ASXL2: variants seen among roughly 807,000 people sequenced by gnomAD.
ASXL2 encodes the protein ASXL transcriptional regulator 2.
A neutral mutation model predicts 122.0 loss-of-function variants in ASXL2; 23 were observed. The ratio of observed to expected loss-of-function variants is 0.19; its 90% CI spans 0.14 to 0.27. ASXL2 has a LOEUF of 0.27. Ranked by LOEUF, ASXL2 falls within the 10% of genes least tolerant of loss-of-function variation. The pLI is 1.00. For synonymous variants in ASXL2, 650 were observed against 637.0 expected, an observed-to-expected ratio of 1.02 and a Z score of -0.31; for missense variants, 1,518 against 1,713.8, an observed-to-expected ratio of 0.89 and a Z score of 2.02.
chr2:25,742,869 A>T lies in ASXL2; in HGVS notation c.3468T>A (p.Thr1156=). The T allele has an allele frequency of 6.2e-7, 1 of 1,613,982 alleles. No homozygotes were observed. Among genetic ancestry groups the T allele is most frequent in the Non-Finnish European group, 8.5e-7 (1 of 1,179,888 alleles). The change falls in exon 13 of 13, where the codon ACT becomes ACA. Residue 1156 remains threonine (T), a synonymous_variant. Coordinates refer to ENST00000435504, the MANE Select transcript of ASXL2 (RefSeq NM_018263.6). ...PEDRFCLSSP[T]EALKMGYTDC... ...CTGTATATCCCATTTTCAAGGCTTCAGTGGGGCTGCTTAGACAAAAACGAT... is the reference window on the plus strand; with the variant it reads ...CTGTATATCCCATTTTCAAGGCTTCTGTGGGGCTGCTTAGACAAAAACGAT...
Position 25,741,474 on chromosome 2 carries a change from T to A in ASXL2, c.*555A>T. On this transcript the variant is annotated 3_prime_UTR_variant, in exon 13 of 13. Transcript: ENST00000435504. ...ACCAAAAATTTCAATTTAAGAAGAT[T>A]CCACCTAAGGTAAAGGGACTGAGTA... 4.3e-6 allele frequency: 1 copy of A among 230,364 alleles called. No homozygotes were observed. Among genetic ancestry groups the A allele is most frequent in the South Asian group, 1.8e-4 (1 of 5,518 alleles). The allele number at this position is 230,364 out of a possible 1,614,324, so 14.3% of individuals were successfully genotyped here. A position where few individuals can be genotyped will look rare whatever the true frequency, so the allele number is the denominator to read the frequency against.
intron 11 of ASXL2, among the ~76,000 whole-genome samples, chr2:25,751,569 G>A (rs994823292): frequency 3.3e-5 from 5 of 151,848 alleles, no homozygotes; most frequent in African/African-American, 1.2e-4. Context: ...GGGAGATTAA[G>A]GCTACAGTGA....
At chr2:25,781,167 G>A (rs1462978339) in intron 5 of ASXL2, among the ~76,000 whole-genome samples, 2 of 151,970 alleles carry the variant, frequency 1.3e-5, no homozygotes, top group Non-Finnish European at 2.9e-5. Flanking sequence ...AATTTGTCCT[G>A]GAGTGTGAGA....
At chr2:25,781,289 T>C (rs1248146006) in intron 5 of ASXL2, among the ~76,000 whole-genome samples, 1 of 151,978 alleles carries the variant, frequency 6.6e-6, no homozygotes, top group East Asian at 1.9e-4. Flanking sequence ...ATCCCAACAC[T>C]TTGGGAGGTC....
At chr2:25,785,557 A>AT (rs1359138559) in intron 5 of ASXL2, among the ~76,000 whole-genome samples, 1 of 148,750 alleles carries the variant, frequency 6.7e-6, no homozygotes, top group South Asian at 2.1e-4. Context: ...AACAATCTTT[A>AT]TTTTTTCTGA....
At chr2:25,752,767 C>T (rs1321666686) in intron 11 of ASXL2, among the ~76,000 whole-genome samples, 1 of 151,448 alleles carries the variant, frequency 6.6e-6, no homozygotes, top group Admixed American at 6.6e-5. Context: ...TTGCTTGAAA[C>T]CAGAAGGCAC....
In ASXL2 at chr2:25,743,696, C is replaced by A. The variant is rs201937732; in HGVS notation, c.2641G>T (p.Ala881Ser). The A allele has an allele frequency of 2.0e-5, 33 of 1,613,862 alleles. No homozygotes were observed. The highest frequency in any genetic ancestry group is 2.8e-5 in the Non-Finnish European group (33 of 1,179,904). Residue 881 changes from alanine (A) to serine (S), a missense_variant, in exon 13 of 13, where the codon GCT (alanine) becomes TCT (serine). This residue lies in a region of ASXL2 where 831 missense variants were observed against 833.1 expected (regional missense o/e 1.00). Coordinates refer to ENST00000435504, the MANE Select transcript of ASXL2 (RefSeq NM_018263.6). ...GATGTTAAAGGGGAGGGAGTTACAG[C>A]CACTGGCACACTAGCATCTGTCTTT... Reference protein sequence around the residue: ...SSKTDASVPVAVTPSPLTSLL... With the variant: ...SSKTDASVPVSVTPSPLTSLL...
chr2:25,794,891 T>C (rs1196553223), intron 5 of ASXL2, among the ~76,000 whole-genome samples: 2 of 152,238 alleles, frequency 1.3e-5, no homozygotes, highest in Admixed American at 6.5e-5. Context: ...ACTGCTTTGC[T>C]GTATACTCAC....
At position 25,743,775 on chromosome 2, in the gene ASXL2, T is replaced by C. The variant is rs1559498292; in HGVS notation, c.2562A>G (p.Thr854=). 6.2e-7 allele frequency: 1 copy of C among 1,614,044 alleles called. No homozygotes were observed. The highest frequency in any genetic ancestry group is 1.7e-5 in the Admixed American group (1 of 60,030). ...TACTAGGACCTGCTTTGAGCTCAACTGTGCCATCAGCTGCACAATGAACAG... is the reference window on the plus strand; with the variant it reads ...TACTAGGACCTGCTTTGAGCTCAACCGTGCCATCAGCTGCACAATGAACAG... The part of the protein sequence containing the change: ...ASPVHCAADG[T]VELKAGPSKN... Residue 854 remains threonine (T), a synonymous_variant, in exon 13 of 13, where the codon ACA becomes ACG. Transcript: ENST00000435504.
intron 2 of ASXL2, among the ~76,000 whole-genome samples, chr2:25,837,316 AAC>A (rs1276703132): frequency 6.6e-6 from 1 of 152,186 alleles, no homozygotes; most frequent in Admixed American, 6.6e-5. Context: ...GTATTCTGTC[AAC>A]AGTGTGTAGG....
chr2:25,838,734 G>A (rs1186422327), intron 2 of ASXL2, among the ~76,000 whole-genome samples: 1 of 152,108 alleles, frequency 6.6e-6, no homozygotes, highest in Non-Finnish European at 1.5e-5. Context: ...TTTTAAAAAG[G>A]CTATTTTATA....
intron 3 of ASXL2, among the ~76,000 whole-genome samples, chr2:25,813,310 C>T (rs1245109165): frequency 1.3e-5 from 2 of 152,042 alleles, no homozygotes; most frequent in Non-Finnish European, 2.9e-5. Flanking sequence ...AACACTTAGG[C>T]CAAATGTTTC....
chr2:25,805,468 CCTGT>C (rs1423080613), intron 4 of ASXL2, among the ~76,000 whole-genome samples: 1 of 151,534 alleles, frequency 6.6e-6, no homozygotes, highest in Non-Finnish European at 1.5e-5. Context: ...ATTTCTTTTT[CCTGT>C]CTTTTTGTAC....
rs539886223 is a variant in ASXL2 at position 25,873,736 on chromosome 2, C to A, written c.57+4430G>T. Among the ~76,000 whole-genome samples the A allele has an allele frequency of 3.1e-3, 476 of 151,686 alleles. 2 individuals are homozygous for A. Among genetic ancestry groups the A allele is most frequent in the Non-Finnish European group, 3.8e-3 (258 of 67,884 alleles). On this transcript the variant is annotated intron_variant, in intron 1 of 12. Transcript: ENST00000435504. ...ATGTTCCTCATCTCTAACACCCACA[C>A]CTTGTTTCTCATATTTTTTTTTTTA... is the stretch of plus-strand genomic sequence containing the variant.
chr2:25,860,288 G>A (rs1455446236), intron 1 of ASXL2, among the ~76,000 whole-genome samples: 2 of 151,852 alleles, frequency 1.3e-5, no homozygotes, highest in Admixed American at 6.6e-5. Context: ...TCCAGCCTGG[G>A]CAACAAGAGC....
intron 4 of ASXL2, among the ~76,000 whole-genome samples, chr2:25,804,510 G>C (rs2089050428): frequency 1.3e-5 from 2 of 152,214 alleles, no homozygotes; most frequent in African/African-American, 4.8e-5. Context: ...GCAGAGTGCA[G>C]GTTGGGGCTG....
At chr2:25,794,375 G>A (rs2088881664) in intron 5 of ASXL2, among the ~76,000 whole-genome samples, 1 of 152,044 alleles carries the variant, frequency 6.6e-6, no homozygotes, top group Non-Finnish European at 1.5e-5. Context: ...TTTTATTTTG[G>A]GGAAAAGGCA....
intron 2 of ASXL2, among the ~76,000 whole-genome samples, chr2:25,840,358 T>C (rs1279048600): frequency 1.3e-5 from 2 of 152,204 alleles, no homozygotes; most frequent in African/African-American, 2.4e-5. Context: ...AATATTTTAT[T>C]GGTTGGTTGC....
intron 3 of ASXL2, 24 bp from the exon 4 acceptor site, chr2:25,806,361 A>G: frequency 1.3e-6 from 2 of 1,504,182 alleles, no homozygotes; most frequent in Non-Finnish European, 1.8e-6. Flanking sequence ...AAGAGATGTG[A>G]TAAGGAACAC....
Sources: allele counts gnomAD v4.1 joint callset (sites outside exome capture counted in the v4.1 genomes callset), GRCh38; gene constraint gnomAD v4.1.1; regional missense constraint gnomAD v4.1.1; transcripts MANE v1.5; gene names NCBI Gene and HGNC (gene_info 2026-07-23, HGNC 2026-07-21).